The following TBCD variants were observed in gnomAD, a reference collection of about 807,000 sequenced individuals.
TBCD encodes the protein tubulin-specific chaperone D.
A neutral mutation model predicts 169.3 loss-of-function variants in TBCD; 105 were observed. The observed-to-expected ratio is 0.62, with a 90% CI of 0.53 to 0.73. The LOEUF is 0.73. Among genes scored for constraint, TBCD ranks in the 30% least tolerant of loss-of-function variants. The probability of loss-of-function intolerance (pLI) is 0.00; values close to 1 mark genes in which losing one functional copy is unlikely to be tolerated. For synonymous variants in TBCD, 700 were observed against 643.9 expected, an observed-to-expected ratio of 1.09 and a Z score of -1.32; for missense variants, 1,444 against 1,600.1, an observed-to-expected ratio of 0.90 and a Z score of 1.66.
At chr17:82,942,033 G>T in intron 38 of TBCD, 1 of 284,290 alleles carries the variant, frequency 3.5e-6, no homozygotes, top group Non-Finnish European at 6.5e-6. Context: ...TATCTGAGAG[G>T]GAGGAGGAGA....
intron 11 of TBCD, among the ~76,000 whole-genome samples, chr17:82,808,341 G>A (rs2051136553): frequency 6.6e-6 from 1 of 150,600 alleles, no homozygotes; most frequent in African/African-American, 2.5e-5. Context: ...TACCTTCTGT[G>A]GAGGGGATGA....
Position 82,832,728 on chromosome 17 carries a change from A to C in TBCD, c.1318+17794A>C. ...TCGCCACAGTGCCACAGGATCCCTGAAGCAGAACCCCTGAAGGGCTGAAAC... is the reference window on the plus strand; with the variant it reads ...TCGCCACAGTGCCACAGGATCCCTGCAGCAGAACCCCTGAAGGGCTGAAAC... On this transcript the variant is annotated intron_variant, in intron 13 of 38. Transcript: ENST00000355528. This position sits in a 1 kb window ranked among gnomAD's most constrained non-coding sequence, Gnocchi z 4.9. The C allele has an allele frequency of 1.9e-6, 1 of 521,740 alleles. No homozygotes were observed. Among genetic ancestry groups the C allele is most frequent in the Middle Eastern group, 5.4e-4 (1 of 1,864 alleles). 32.3% of individuals were successfully genotyped at this position (521,740 alleles called of 1,614,324 possible).
At chr17:82,824,183 T>C (rs1011985497) in intron 13 of TBCD, among the ~76,000 whole-genome samples, 1 of 152,070 alleles carries the variant, frequency 6.6e-6, no homozygotes, top group African/African-American at 2.4e-5. Context: ...TTTTTACTTT[T>C]ATTTTTATTT....
rs907980667 is a variant in TBCD, at chr17:82,930,717, G to A, written c.3113+74G>A. Reference sequence around the variant, plus strand: ...TCTCACCACGTTCCCACAGATTCCCGGGGTCTCGCAGGGTCTGTCTGGGGT... The same window carrying A: ...TCTCACCACGTTCCCACAGATTCCCAGGGTCTCGCAGGGTCTGTCTGGGGT... On this transcript the variant is annotated intron_variant, in intron 33 of 38. Coordinates refer to ENST00000355528, the MANE Select transcript of TBCD (RefSeq NM_005993.5). The surrounding 1 kb of genome is among the most constrained non-coding windows in gnomAD (Gnocchi z 5.2). The A allele has an allele frequency of 3.2e-5, 52 of 1,601,254 alleles. No individual in the cohort carries two copies. The highest frequency in any genetic ancestry group is 3.9e-5 in the Non-Finnish European group (46 of 1,173,602).
At chr17:82,870,652 A>G (rs1451106772) in intron 14 of TBCD, among the ~76,000 whole-genome samples, 9 of 152,078 alleles carry the variant, frequency 5.9e-5, no homozygotes, top group Non-Finnish European at 1.3e-4. Context: ...CCAGAGCAGA[A>G]GTGTGTGGAG....
intron 13 of TBCD, among the ~76,000 whole-genome samples, chr17:82,820,562 C>T (rs1452539094): frequency 6.6e-6 from 1 of 151,634 alleles, no homozygotes; most frequent in Non-Finnish European, 1.5e-5. Flanking sequence ...TTTTGCTGCC[C>T]CTCTCCTCTC....
chr17:82,884,577 G>A lies in TBCD; in HGVS notation c.1533+375G>A, dbSNP rs2058598633. On this transcript the variant is annotated intron_variant, in intron 15 of 38. Transcript: ENST00000355528. This position sits in a 1 kb window ranked among gnomAD's most constrained non-coding sequence, Gnocchi z 4.2. ...GTGGCGGCGGGACGGGTCACTCACC[G>A]GGTGGCTTTGAGCCTCGGGAGGGGC... is the stretch of plus-strand genomic sequence containing the variant. Among the ~76,000 whole-genome samples the A allele has an allele frequency of 6.6e-6, 1 of 152,194 alleles. No homozygotes were observed. The highest frequency in any genetic ancestry group is 6.5e-5 in the Admixed American group (1 of 15,284).
chr17:82,829,999 G>T lies in TBCD; in HGVS notation c.1318+15065G>T, dbSNP rs1598765268. 1.4e-5 allele frequency: 5 copies of T among 354,032 alleles called. No homozygotes were observed. In the Admixed American group the frequency reaches 2.2e-4, roughly 15 times the overall value. 21.9% of individuals were successfully genotyped at this position (354,032 alleles called of 1,614,324 possible). A position where few individuals can be genotyped will look rare whatever the true frequency, so the allele number is the denominator to read the frequency against. ...TAAAAACTGAATTGGAGGGTTTTTTGTTTGTTTGTTTGTTTGTTTTTTTGA... is the reference window on the plus strand; with the variant it reads ...TAAAAACTGAATTGGAGGGTTTTTTTTTTGTTTGTTTGTTTGTTTTTTTGA... On this transcript the variant is annotated intron_variant, in intron 13 of 38. Transcript: ENST00000355528.
At chr17:82,752,907 C>G (rs572553646) in intron 1 of TBCD, among the ~76,000 whole-genome samples, 12 of 152,176 alleles carry the variant, frequency 7.9e-5, no homozygotes, top group Admixed American at 3.3e-4. Flanking sequence ...GGGCAGCAGC[C>G]TGTCCGTTCC....
chr17:82,808,680 TG>T (rs1275561513), intron 11 of TBCD, among the ~76,000 whole-genome samples: 19 of 68,554 alleles, frequency 2.8e-4, no homozygotes, highest in African/African-American at 1.0e-3. Flanking sequence ...TGGCAGGTGC[TG>T]GGGGGCAGAG....
At chr17:82,921,212 A>T (rs1482110014) in intron 24 of TBCD, 2 of 489,344 alleles carry the variant, frequency 4.1e-6, no homozygotes, top group East Asian at 6.7e-5. Flanking sequence ...TTTGAAGGAA[A>T]AGATTTAGGG....
intron 13 of TBCD, chr17:82,858,515 G>T (rs533309086): frequency 3.1e-6 from 3 of 953,588 alleles, no homozygotes; most frequent in East Asian, 2.3e-4. Flanking sequence ...ACTACGGCTG[G>T]AGGATCCCAG....
At chr17:82,875,065 C>T (rs1434322534) in intron 14 of TBCD, among the ~76,000 whole-genome samples, 1 of 152,172 alleles carries the variant, frequency 6.6e-6, no homozygotes, top group Non-Finnish European at 1.5e-5. Flanking sequence ...TTTAGTGGCT[C>T]ACTTTTTCTA....
chr17:82,917,688 T>C (rs566494711), intron 23 of TBCD, among the ~76,000 whole-genome samples: 4 of 152,374 alleles, frequency 2.6e-5, no homozygotes, highest in Admixed American at 1.3e-4. Flanking sequence ...CGTGCTGGGC[T>C]GGCCCACGTT....
intron 34 of TBCD, among the ~76,000 whole-genome samples, chr17:82,933,271 G>GCCTT (rs1307513773): frequency 3.1e-4 from 25 of 81,606 alleles, no homozygotes; most frequent in Admixed American, 5.3e-4. Context: ...TGTTGGGCCA[G>GCCTT]TCTTTTTTTT....
intron 7 of TBCD, among the ~76,000 whole-genome samples, chr17:82,793,947 T>G (rs2049926440): frequency 6.6e-6 from 1 of 151,568 alleles, no homozygotes; most frequent in African/African-American, 2.4e-5. Flanking sequence ...ATCTGCAGAG[T>G]CGGCATGGTT....
chr17:82,776,212 C>T (rs2048586990), intron 6 of TBCD, among the ~76,000 whole-genome samples: 1 of 151,856 alleles, frequency 6.6e-6, no homozygotes, highest in South Asian at 2.1e-4. Flanking sequence ...GAGCAAGACT[C>T]CATCTCAAAA....
intron 18 of TBCD, among the ~76,000 whole-genome samples, chr17:82,902,084 C>T (rs553566089): frequency 1.3e-5 from 2 of 152,306 alleles, no homozygotes; most frequent in East Asian, 3.9e-4. Context: ...CTTTCCTTCA[C>T]GTGTTTTGGG....
intron 14 of TBCD, 105 bp downstream of exon 14, chr17:82,870,485 G>T: frequency 7.1e-7 from 1 of 1,401,574 alleles, no homozygotes. Context: ...GTGAAAAGGT[G>T]AAATTACTTG....
Sources: allele counts gnomAD v4.1 joint callset (sites outside exome capture counted in the v4.1 genomes callset), GRCh38; gene constraint gnomAD v4.1.1; non-coding constraint Gnocchi (gnomAD v3.1); transcripts MANE v1.5; gene names NCBI Gene and HGNC (gene_info 2026-07-23, HGNC 2026-07-21).